RPSA2: variants seen among roughly 807,000 people sequenced by gnomAD.
The protein encoded by RPSA2 is ribosomal protein SA 2.
At chr19:23,809,402 A>T in the RPSA2 span, 5 of 152,008 alleles carry the variant, frequency 3.3e-5, no homozygotes, top group African/African-American at 9.7e-5. Flanking sequence ...TTACTGTGAA[A>T]AAAAAACACT....
At chr19:23,780,943 T>G in the RPSA2 span, among the ~76,000 whole-genome samples, 2 of 152,178 alleles carry the variant, frequency 1.3e-5, no homozygotes, top group Admixed American at 6.5e-5. Flanking sequence ...ATTGGAAAAT[T>G]GACTCTCATT....
chr19:23,808,781 A>G, the RPSA2 span: 1 of 922,474 alleles, frequency 1.1e-6, no homozygotes, highest in East Asian at 4.9e-5. Context: ...GCCCTGGAAT[A>G]TGAAGTGACA....
chr19:23,859,145 C>G, the RPSA2 span, among the ~76,000 whole-genome samples: 42 of 152,098 alleles, frequency 2.8e-4, no homozygotes, highest in Non-Finnish European at 5.3e-4. Context: ...TATGTTAAAA[C>G]TAATTAATTT....
chr19:23,794,855 A>G, the RPSA2 span, among the ~76,000 whole-genome samples: 1 of 152,038 alleles, frequency 6.6e-6, no homozygotes, highest in East Asian at 1.9e-4. Flanking sequence ...TGTTGAGTTG[A>G]TTTTTGTATA....
chr19:23,802,131 C>A, the RPSA2 span, among the ~76,000 whole-genome samples: 1 of 152,178 alleles, frequency 6.6e-6, no homozygotes, highest in Non-Finnish European at 1.5e-5. Context: ...CACTTCAGAT[C>A]CCTCCTTTGA....
the RPSA2 span, among the ~76,000 whole-genome samples, chr19:23,766,926 T>G: frequency 2.0e-5 from 3 of 151,898 alleles, no homozygotes; most frequent in African/African-American, 7.3e-5. Flanking sequence ...GGCCGGCTAA[T>G]TTTTTGAATT....
the RPSA2 span, among the ~76,000 whole-genome samples, chr19:23,859,258 C>T: frequency 2.0e-5 from 3 of 152,230 alleles, no homozygotes; most frequent in South Asian, 6.2e-4. Context: ...ATTATACTTC[C>T]AGTAACAGTG....
At chr19:23,796,697 A>G in the RPSA2 span, among the ~76,000 whole-genome samples, 1 of 151,930 alleles carries the variant, frequency 6.6e-6, no homozygotes, top group Non-Finnish European at 1.5e-5. Context: ...TTTGTTCAAT[A>G]ATATTTTCAT....
chr19:23,772,372 C>T, the RPSA2 span, among the ~76,000 whole-genome samples: 33 of 152,290 alleles, frequency 2.2e-4, 2 homozygotes, highest in South Asian at 6.8e-3. Flanking sequence ...GGAAGATATC[C>T]TTGGCTGAAA....
the RPSA2 span, among the ~76,000 whole-genome samples, chr19:23,772,437 A>G: frequency 1.3e-5 from 2 of 152,188 alleles, no homozygotes; most frequent in African/African-American, 4.8e-5. Flanking sequence ...AAATGGTGAC[A>G]TATACTATAG....
the RPSA2 span, among the ~76,000 whole-genome samples, chr19:23,795,174 A>G: frequency 7.8e-6 from 1 of 128,836 alleles, no homozygotes; most frequent in Non-Finnish European, 1.6e-5. Context: ...TTGGTTTTAT[A>G]TGAATTTTAC....
the RPSA2 span, among the ~76,000 whole-genome samples, chr19:23,848,249 G>A: frequency 1.6e-4 from 25 of 152,226 alleles, no homozygotes; most frequent in African/African-American, 4.1e-4. Context: ...GGCTCCAGCC[G>A]GTCCCTCCGT....
the RPSA2 span, among the ~76,000 whole-genome samples, chr19:23,837,689 C>A: frequency 6.6e-6 from 1 of 151,920 alleles, no homozygotes; most frequent in Non-Finnish European, 1.5e-5. Context: ...AGGTATATTT[C>A]CTAAGTATTT....
the RPSA2 span, among the ~76,000 whole-genome samples, chr19:23,800,507 A>C: frequency 1.3e-5 from 2 of 152,208 alleles, no homozygotes; most frequent in Non-Finnish European, 1.5e-5. Flanking sequence ...TTATGCTGTA[A>C]AGTGCATACT....
the RPSA2 span, chr19:23,808,762 A>C: frequency 1.1e-6 from 1 of 912,494 alleles, no homozygotes; most frequent in South Asian, 1.3e-5. Flanking sequence ...ATCTGGAGCG[A>C]GAAAAAGAGC....
chr19:23,830,663 C>T, the RPSA2 span, among the ~76,000 whole-genome samples: 2 of 150,520 alleles, frequency 1.3e-5, no homozygotes, highest in Non-Finnish European at 3.0e-5. Flanking sequence ...TATTTTTGTT[C>T]TTGTCCTCAT....
At chr19:23,858,950 G>A in the RPSA2 span, among the ~76,000 whole-genome samples, 1 of 152,166 alleles carries the variant, frequency 6.6e-6, no homozygotes, top group South Asian at 2.1e-4. Context: ...TTCACTGAGG[G>A]CTGGAAGTCC....
the RPSA2 span, among the ~76,000 whole-genome samples, chr19:23,852,627 G>A: frequency 2.0e-5 from 3 of 148,146 alleles, no homozygotes; most frequent in Non-Finnish European, 4.5e-5. Context: ...TTTTCCGCCT[G>A]GGTGGGCCAG....
chr19:23,827,826 T>G, the RPSA2 span: 4 of 1,543,640 alleles, frequency 2.6e-6, no homozygotes, highest in Non-Finnish European at 3.5e-6. Flanking sequence ...GAGAAGGCAG[T>G]GACCAAGGAG....
Sources: allele counts gnomAD v4.1 joint callset (sites outside exome capture counted in the v4.1 genomes callset), GRCh38; gene constraint gnomAD v4.1.1; transcripts MANE v1.5; gene names NCBI Gene and HGNC (gene_info 2026-07-23, HGNC 2026-07-21).